Variants in DENND2A observed in about 807,000 individuals in gnomAD.
DENND2A encodes DENN domain containing 2A, also known as DENN domain-containing protein 2A.
Under a neutral mutation model 105.3 loss-of-function variants are expected in DENND2A, and 53 were observed. The observed-to-expected ratio is 0.50, with a 90% CI of 0.40 to 0.63. The LOEUF (loss-of-function observed/expected upper bound fraction) is 0.63, where lower values mean the gene tolerates loss of function less well. Ranked by LOEUF, DENND2A falls within the 30% of genes least tolerant of loss-of-function variation. DENND2A has a pLI of 0.00. For synonymous variants in DENND2A, 522 were observed against 508.4 expected, an observed-to-expected ratio of 1.03 and a Z score of -0.36; for missense variants, 1,138 against 1,279.6, an observed-to-expected ratio of 0.89 and a Z score of 1.69.
intron 1 of DENND2A, among the ~76,000 whole-genome samples, chr7:140,607,698 C>T (rs1348057537): frequency 1.3e-5 from 2 of 152,192 alleles, no homozygotes; most frequent in Non-Finnish European, 2.9e-5. Flanking sequence ...GCTGGGCCCA[C>T]AGACACTACT....
chr7:140,641,158 ACT>A (rs1389592072), upstream of DENND2A, among the ~76,000 whole-genome samples: 1 of 151,448 alleles, frequency 6.6e-6, no homozygotes, highest in Non-Finnish European at 1.5e-5. Context: ...CAGTTAACAC[ACT>A]CTCGGCACCG....
chr7:140,569,568 A>G, intron 7 of DENND2A, 77 bp downstream of exon 7: 2 of 1,034,934 alleles, frequency 1.9e-6, no homozygotes, highest in Non-Finnish European at 3.1e-6. Context: ...AGCCAACCAG[A>G]AAAAACAGGA....
At chr7:140,587,604 T>A (rs969516012) in intron 4 of DENND2A, 49 bp downstream of exon 4, 2 of 1,609,226 alleles carry the variant, frequency 1.2e-6, no homozygotes, top group African/African-American at 2.7e-5. Context: ...CTCCCTCCCC[T>A]TTCTCCCAGA....
rs752837618 is a variant in DENND2A, at chr7:140,601,665, G to A, written c.733C>T (p.Arg245Trp). 2.5e-6 allele frequency: 4 copies of A among 1,613,094 alleles called. No homozygotes were observed. Among genetic ancestry groups the A allele is most frequent in the African/African-American group, 1.3e-5 (1 of 74,986 alleles). Reference sequence around the variant, plus strand: ...CCCCTATACACGTTCTCAAGGCTCCGGTCCCAGGGCCTTCTGCATGAACCT... The same window carrying A: ...CCCCTATACACGTTCTCAAGGCTCCAGTCCCAGGGCCTTCTGCATGAACCT... ...RKGSCRRPWD[R>W]SLENVYRGSE... Residue 245 changes from arginine (R) to tryptophan (W), a missense_variant, in exon 3 of 20, where the codon CGG becomes TGG. By Grantham distance (101) the Arg-to-Trp change is moderately radical. Transcript: ENST00000496613.
Position 140,601,485 on chromosome 7 carries a change from G to A in DENND2A, c.913C>T (p.Pro305Ser). ...NLPPLPSLPP[P>S]PLPSSPPPSS... ...GGTGGGGGAGAGGAGGGCAGAGGCGGGGGAGGTAGAGAGGGCAGAGGAGGC... is the reference window on the plus strand; with the variant it reads ...GGTGGGGGAGAGGAGGGCAGAGGCGAGGGAGGTAGAGAGGGCAGAGGAGGC... Residue 305 changes from proline to serine, a missense_variant, in exon 3 of 20, where the codon CCG (proline) becomes TCG (serine). Physicochemically the swap from Pro to Ser is moderately conservative, Grantham distance 74. Coordinates refer to ENST00000496613, the MANE Select transcript of DENND2A (RefSeq NM_015689.5). 1 of 1,613,968 alleles carries A rather than the reference G, an allele frequency of 6.2e-7. No individual in the cohort carries two copies. The highest frequency in any genetic ancestry group is 8.5e-7 in the Non-Finnish European group (1 of 1,179,912).
intron 1 of DENND2A, among the ~76,000 whole-genome samples, chr7:140,608,425 C>T (rs1412257425): frequency 6.6e-6 from 1 of 152,194 alleles, no homozygotes; most frequent in African/African-American, 2.4e-5. Flanking sequence ...ACCTGTAATT[C>T]CAGCACTTTT....
intron 11 of DENND2A, 60 bp from the exon 12 acceptor site, chr7:140,555,773 C>T (rs897629932): frequency 6.8e-7 from 1 of 1,468,298 alleles, no homozygotes; most frequent in Non-Finnish European, 9.2e-7. Context: ...AAGAAAGGAA[C>T]CCACATGTTT....
chr7:140,625,670 A>G (rs1405263079), intron 1 of DENND2A, among the ~76,000 whole-genome samples: 2 of 152,224 alleles, frequency 1.3e-5, no homozygotes, highest in African/African-American at 2.4e-5. Flanking sequence ...AGACAGAGCG[A>G]GACTCCGCCT....
chr7:140,548,689 C>A (rs1797000702), intron 12 of DENND2A, among the ~76,000 whole-genome samples: 1 of 151,630 alleles, frequency 6.6e-6, no homozygotes, highest in Admixed American at 6.6e-5. Flanking sequence ...TCTCGGCTCA[C>A]TGCAACCTCT....
intron 6 of DENND2A, 98 bp downstream of exon 6, chr7:140,573,710 G>A: frequency 2.2e-6 from 3 of 1,344,462 alleles, no homozygotes; most frequent in African/African-American, 1.5e-5. Flanking sequence ...GGTGGGAGAG[G>A]GGCCAGTGAT....
intron 3 of DENND2A, among the ~76,000 whole-genome samples, chr7:140,589,059 T>C (rs985185719): frequency 6.6e-6 from 1 of 152,142 alleles, no homozygotes. Context: ...ACACATTTTA[T>C]TTATCAGAAG....
intron 14 of DENND2A, among the ~76,000 whole-genome samples, chr7:140,533,512 G>A (rs1166935230): frequency 1.3e-5 from 2 of 152,216 alleles, no homozygotes; most frequent in African/African-American, 4.8e-5. Context: ...ATCTGGAGGA[G>A]AAGGTCGTGG....
chr7:140,571,570 C>T (rs547403852), intron 6 of DENND2A, among the ~76,000 whole-genome samples: 1 of 152,098 alleles, frequency 6.6e-6, no homozygotes, highest in South Asian at 2.1e-4. Flanking sequence ...GGTCAAATGT[C>T]CTCATCGGGA....
chr7:140,530,458 G>C (rs1796218868), intron 14 of DENND2A, among the ~76,000 whole-genome samples: 2 of 152,032 alleles, frequency 1.3e-5, no homozygotes, highest in African/African-American at 4.8e-5. Context: ...ACTCACTGGA[G>C]TCAGGAAATA....
intron 14 of DENND2A, among the ~76,000 whole-genome samples, chr7:140,534,081 A>ATTTTTTTT (rs3042407): frequency 3.5e-4 from 28 of 80,102 alleles, no homozygotes; most frequent in African/African-American, 1.3e-3. Flanking sequence ...TGCCTGGTTA[A>ATTTTTTTT]TTTTTTTTTT....
At position 140,567,304 on chromosome 7, in the gene DENND2A, A is replaced by AAGAGAGAGAGAG. The variant is rs60964847; in HGVS notation, c.1592-43_1592-32dup. ...TGAGGGAGGGAGAGAGAAAGAGAGA[A>AAGAGAGAGAGAG]AGAGAGAGAGAGAGAGAGAGAGAGA... On this transcript the variant is annotated intron_variant, in intron 8 of 19. Coordinates refer to ENST00000496613, the MANE Select transcript of DENND2A (RefSeq NM_015689.5). 529 of 659,732 alleles carry AAGAGAGAGAGAG rather than the reference A, an allele frequency of 8.0e-4. 3 individuals carry two copies. Among genetic ancestry groups the AAGAGAGAGAGAG allele is most frequent in the African/African-American group, 2.5e-3 (93 of 36,572 alleles). 40.9% of individuals were successfully genotyped at this position (659,732 alleles called of 1,614,324 possible).
At chr7:140,532,278 A>G (rs1364931009) in intron 14 of DENND2A, among the ~76,000 whole-genome samples, 2 of 152,182 alleles carry the variant, frequency 1.3e-5, no homozygotes, top group African/African-American at 4.8e-5. Context: ...CAAAAAAATA[A>G]AAGAGACCTT....
chr7:140,543,442 T>C (rs1383533168), intron 14 of DENND2A: 2 of 151,710 alleles, frequency 1.3e-5, no homozygotes, highest in African/African-American at 4.8e-5. Context: ...CTGTGTCTTT[T>C]CTCTGTTTTC....
chr7:140,620,006 G>A (rs1563182161), intron 1 of DENND2A, among the ~76,000 whole-genome samples: 1 of 151,470 alleles, frequency 6.6e-6, no homozygotes, highest in Non-Finnish European at 1.5e-5. Flanking sequence ...CAGCCTGGCC[G>A]ACATAGTGAA....
Sources: allele counts gnomAD v4.1 joint callset (sites outside exome capture counted in the v4.1 genomes callset), GRCh38; gene constraint gnomAD v4.1.1; transcripts MANE v1.5; gene names NCBI Gene and HGNC (gene_info 2026-07-23, HGNC 2026-07-21).